REPS2: variants seen among roughly 807,000 people sequenced by gnomAD.
REPS2 encodes the protein RALBP1 associated Eps domain containing 2.
A neutral mutation model predicts 53.6 loss-of-function variants in REPS2; 23 were observed. That is an observed-to-expected ratio of 0.43 (90% CI 0.31 to 0.61). The LOEUF (loss-of-function observed/expected upper bound fraction) is 0.61. REPS2 is among the 20% of genes least tolerant of loss of function. The pLI, the probability that REPS2 is intolerant of heterozygous loss-of-function variation, is 0.11. For missense variants in REPS2, 446 were observed against 534.9 expected, an observed-to-expected ratio of 0.83 and a Z score of 1.64; for synonymous variants, 238 against 218.6, an observed-to-expected ratio of 1.09 and a Z score of -0.78.
intron 14 of REPS2, among the ~76,000 whole-genome samples, chrX:17,114,119 C>A (rs1415500887): frequency 9.0e-6 from 1 of 111,574 alleles, no homozygotes; most frequent in Non-Finnish European, 1.9e-5. Context: ...AAGGTTTTCT[C>A]ATCTCTGAGG....
chrX:16,981,624 T>G (rs757196824), intron 1 of REPS2, among the ~76,000 whole-genome samples: 94 of 112,541 alleles, frequency 8.4e-4, no homozygotes, highest in African/African-American at 2.9e-3. Context: ...ACATCTGTGA[T>G]TCTGGATCCA....
intron 1 of REPS2, among the ~76,000 whole-genome samples, chrX:16,974,636 T>G (rs2060933863): frequency 9.1e-6 from 1 of 110,471 alleles, no homozygotes; most frequent in African/African-American, 3.3e-5. Flanking sequence ...CAGAGCTAGA[T>G]GCTCCATTTC....
intron 2 of REPS2, among the ~76,000 whole-genome samples, chrX:17,017,384 A>G (rs1205477711): frequency 8.9e-6 from 1 of 112,338 alleles, no homozygotes; most frequent in Non-Finnish European, 1.9e-5. Context: ...GCTTGTCACA[A>G]GAACAAATAC....
intron 1 of REPS2, among the ~76,000 whole-genome samples, chrX:16,984,514 T>TG (rs1257325413): frequency 8.9e-6 from 1 of 112,276 alleles, no homozygotes; most frequent in Non-Finnish European, 1.9e-5. Context: ...TGGAAATCAC[T>TG]GGGGGCCATC....
intron 13 of REPS2, among the ~76,000 whole-genome samples, chrX:17,092,604 C>A (rs982710136): frequency 9.2e-6 from 1 of 109,225 alleles, no homozygotes; most frequent in Non-Finnish European, 1.9e-5. Flanking sequence ...TAACACTTGA[C>A]GAATAAACCT....
intron 1 of REPS2, among the ~76,000 whole-genome samples, chrX:16,957,452 G>A (rs772259054): frequency 9.1e-6 from 1 of 110,478 alleles, no homozygotes; most frequent in African/African-American, 3.3e-5. Flanking sequence ...GACCTTCTGA[G>A]ATGTGTAGTG....
intron 14 of REPS2, among the ~76,000 whole-genome samples, chrX:17,121,443 A>G (rs1393725269): frequency 3.6e-5 from 4 of 112,566 alleles, no homozygotes; most frequent in Non-Finnish European, 7.5e-5. Flanking sequence ...CACTAACACT[A>G]GCATGCTCTG....
At chrX:17,138,795 G>T in intron 16 of REPS2, 61 bp from the exon 17 acceptor site, 1 of 741,289 alleles carries the variant, frequency 1.3e-6, no homozygotes, top group South Asian at 3.2e-5. Flanking sequence ...TCAGAGTTCT[G>T]ACCCTCAAGG....
chrX:17,034,488 G>A (rs1421361781), intron 5 of REPS2, among the ~76,000 whole-genome samples: 1 of 110,679 alleles, frequency 9.0e-6, no homozygotes, highest in Non-Finnish European at 1.9e-5. Context: ...TAGAGACGGG[G>A]TTTCTCCATG....
chrX:17,026,311 T>C (rs1453874011), intron 4 of REPS2, among the ~76,000 whole-genome samples: 1 of 111,806 alleles, frequency 8.9e-6, no homozygotes, highest in Non-Finnish European at 1.9e-5. Context: ...ACATGCAAGA[T>C]GATGTTGCTA....
intron 12 of REPS2, 149 bp from the exon 13 acceptor site, chrX:17,077,122 A>G (rs1054998018): frequency 1.9e-6 from 1 of 532,808 alleles, no homozygotes; most frequent in South Asian, 4.4e-5. Context: ...ACATAGTGGC[A>G]TTCAATGGGT....
chrX:17,097,915 G>C (rs1364907202), intron 13 of REPS2, among the ~76,000 whole-genome samples: 1 of 111,776 alleles, frequency 8.9e-6, no homozygotes, highest in African/African-American at 3.2e-5. Flanking sequence ...TTAAAATCTT[G>C]TTTAAAGAAA....
chrX:17,030,430 A>G (rs12390888), intron 5 of REPS2, among the ~76,000 whole-genome samples: 31 of 111,000 alleles, frequency 2.8e-4, no homozygotes, highest in African/African-American at 9.5e-4. Context: ...ACTCGGGAAT[A>G]AGGAACATTT....
intron 2 of REPS2, among the ~76,000 whole-genome samples, chrX:17,015,784 G>A (rs2061485429): frequency 8.9e-6 from 1 of 111,795 alleles, no homozygotes; most frequent in African/African-American, 3.3e-5. Context: ...GTGTATATGT[G>A]CCACATTTTC....
At chrX:17,089,919 T>G (rs2062592318) in intron 13 of REPS2, among the ~76,000 whole-genome samples, 5 of 112,508 alleles carry the variant, frequency 4.4e-5, no homozygotes, top group African/African-American at 1.6e-4. Flanking sequence ...GCTGGGTATG[T>G]GGTAAATTTA....
chrX:17,185,062 T>C, the REPS2 span, among the ~76,000 whole-genome samples: 1 of 110,934 alleles, frequency 9.0e-6, no homozygotes, highest in Non-Finnish European at 1.9e-5. Context: ...CTCAGCTGAG[T>C]GTTTCTTCTG....
intron 14 of REPS2, among the ~76,000 whole-genome samples, chrX:17,112,480 A>T (rs1337028950): frequency 8.9e-6 from 1 of 112,179 alleles, no homozygotes; most frequent in East Asian, 2.8e-4. Context: ...TTAGGCCACA[A>T]AACAAGTCTC....
At chrX:17,076,659 A>C (rs2062385567) in intron 12 of REPS2, among the ~76,000 whole-genome samples, 1 of 112,264 alleles carries the variant, frequency 8.9e-6, no homozygotes, top group African/African-American at 3.2e-5. Context: ...CAATCTCAGA[A>C]GTTGCCTAGT....
chrX:17,070,094 C>G (rs1342485702), intron 11 of REPS2, 101 bp downstream of exon 11: 9 of 371,931 alleles, frequency 2.4e-5, no homozygotes, highest in Non-Finnish European at 4.0e-5. Context: ...GATAGTGTGT[C>G]TGTTTCTCTC....
Sources: gnomAD v4.1 joint callset for allele counts (sites outside exome capture counted in the v4.1 genomes callset) on GRCh38, gnomAD v4.1.1 for gene constraint, MANE v1.5 for transcripts, NCBI Gene and HGNC (gene_info 2026-07-23, HGNC 2026-07-21) for gene names.